Variants in BMPR1B observed in about 807,000 individuals in gnomAD.
The protein encoded by BMPR1B is bone morphogenetic protein receptor type-1B.
Under a neutral mutation model 59.1 loss-of-function variants are expected in BMPR1B, and 12 were observed. The ratio of observed to expected loss-of-function variants is 0.20; its 90% CI spans 0.13 to 0.33. The LOEUF is 0.33. Among genes scored for constraint, BMPR1B ranks in the 10% least tolerant of loss-of-function variants. BMPR1B has a pLI of 1.00. For synonymous variants in BMPR1B, 237 were observed against 207.3 expected (o/e 1.14, Z -1.23); for missense variants, 550 against 610.9 (o/e 0.90, Z 1.05).
chr4:94,812,277 G>A (rs772141178), intron 1 of BMPR1B, among the ~76,000 whole-genome samples: 3 of 152,138 alleles, frequency 2.0e-5, no homozygotes, highest in Admixed American at 6.6e-5. Flanking sequence ...GCTTTGTGAA[G>A]TTTTAAGAGA....
At chr4:94,935,315 C>T (rs1024852874) in intron 2 of BMPR1B, among the ~76,000 whole-genome samples, 1 of 151,882 alleles carries the variant, frequency 6.6e-6, no homozygotes, top group African/African-American at 2.4e-5. Context: ...CCAAATAAAC[C>T]CCTATTACGA....
At chr4:95,063,144 G>C (rs375508240) in intron 3 of BMPR1B, among the ~76,000 whole-genome samples, 1 of 152,012 alleles carries the variant, frequency 6.6e-6, no homozygotes, top group South Asian at 2.1e-4. Flanking sequence ...AATAAAAAAA[G>C]ATCTAGGGGT....
At chr4:95,123,497 C>G (rs748796952) in intron 6 of BMPR1B, among the ~76,000 whole-genome samples, 5 of 152,068 alleles carry the variant, frequency 3.3e-5, no homozygotes, top group Non-Finnish European at 7.4e-5. Flanking sequence ...CTACCTGTTT[C>G]TATTGTGGGT....
intron 1 of BMPR1B, among the ~76,000 whole-genome samples, chr4:94,810,799 A>G (rs1437063339): frequency 6.6e-6 from 1 of 152,174 alleles, no homozygotes; most frequent in African/African-American, 2.4e-5. Flanking sequence ...TTGAGTGGCT[A>G]CCTCAGTGTC....
In BMPR1B at chr4:95,000,212, G is replaced by A. The variant is rs190515707; in HGVS notation, c.-18+4078G>A. Among the ~76,000 whole-genome samples the A allele has an allele frequency of 5.4e-5, 8 of 147,992 alleles. No individual in the cohort carries two copies. The Admixed American group carries it at 5.5e-4, about 10-fold the overall frequency. On this transcript the variant is annotated intron_variant, in intron 3 of 12. Coordinates refer to ENST00000515059, the MANE Select transcript of BMPR1B (RefSeq NM_001203.3). ...ACCTTATAAACATCTTCCAGACATT[G>A]AATATGACTCTTCTGTTTGTTTAAC...
At chr4:94,795,557 G>T (rs953217920) in intron 1 of BMPR1B, among the ~76,000 whole-genome samples, 1 of 151,918 alleles carries the variant, frequency 6.6e-6, no homozygotes, top group African/African-American at 2.4e-5. Context: ...CTCTGCCTTC[G>T]GGTTCAAGCG....
chr4:94,906,976 T>A (rs1237752791), intron 2 of BMPR1B, among the ~76,000 whole-genome samples: 1 of 152,090 alleles, frequency 6.6e-6, no homozygotes, highest in African/African-American at 2.4e-5. Context: ...CTGTAGGGAT[T>A]ATTCTTCCTG....
At chr4:94,982,443 C>G (rs1721141855) in intron 2 of BMPR1B, among the ~76,000 whole-genome samples, 1 of 152,158 alleles carries the variant, frequency 6.6e-6, no homozygotes, top group South Asian at 2.1e-4. Flanking sequence ...CTTACTGTGG[C>G]CTAAATTAGT....
At chr4:95,080,509 T>C (rs979183755) in intron 3 of BMPR1B, among the ~76,000 whole-genome samples, 2 of 152,182 alleles carry the variant, frequency 1.3e-5, no homozygotes, top group African/African-American at 4.8e-5. Context: ...GTGCTGGGAT[T>C]ACAGGCGTGA....
chr4:95,059,253 C>T (rs1727159131), intron 3 of BMPR1B, among the ~76,000 whole-genome samples: 1 of 152,140 alleles, frequency 6.6e-6, no homozygotes, highest in Non-Finnish European at 1.5e-5. Flanking sequence ...ACTTAAGTTG[C>T]CTTTTTCTTC....
At chr4:94,879,206 G>T (rs1726862274) in intron 2 of BMPR1B, among the ~76,000 whole-genome samples, 1 of 152,070 alleles carries the variant, frequency 6.6e-6, no homozygotes, top group Non-Finnish European at 1.5e-5. Context: ...ATTTGAACTG[G>T]TCATATGATT....
At chr4:94,804,590 C>CTTTTTTTT (rs5860375) in intron 1 of BMPR1B, among the ~76,000 whole-genome samples, 1 of 121,568 alleles carries the variant, frequency 8.2e-6, no homozygotes, top group Non-Finnish European at 1.6e-5. Flanking sequence ...CTTTGTAATA[C>CTTTTTTTT]TTTTTTTTTT....
At chr4:95,050,021 A>G (rs1456462752) in intron 3 of BMPR1B, among the ~76,000 whole-genome samples, 1 of 152,074 alleles carries the variant, frequency 6.6e-6, no homozygotes, top group Non-Finnish European at 1.5e-5. Flanking sequence ...GAGCTGTCCC[A>G]CATTTCAGCT....
At chr4:94,846,046 A>C (rs1161544690) in intron 1 of BMPR1B, among the ~76,000 whole-genome samples, 1 of 152,218 alleles carries the variant, frequency 6.6e-6, no homozygotes, top group Non-Finnish European at 1.5e-5. Context: ...GAATCACATT[A>C]CCTGACTTCA....
chr4:95,054,646 A>G (rs1411079330), intron 3 of BMPR1B, among the ~76,000 whole-genome samples: 2 of 152,202 alleles, frequency 1.3e-5, no homozygotes, highest in Non-Finnish European at 2.9e-5. Flanking sequence ...GTCATAATGA[A>G]TATAGTGCAA....
chr4:94,804,868 G>A (rs1463701797), intron 1 of BMPR1B, among the ~76,000 whole-genome samples: 1 of 152,148 alleles, frequency 6.6e-6, no homozygotes, highest in Non-Finnish European at 1.5e-5. Context: ...TCGCTTGGCT[G>A]CAGGCAAACT....
chr4:94,851,942 G>A (rs76921199), intron 1 of BMPR1B, among the ~76,000 whole-genome samples: 17,120 of 152,182 alleles, frequency 0.11, 1,025 homozygotes, highest in Non-Finnish European at 0.13. Flanking sequence ...CTGGCATAAT[G>A]TAGGCTCATA....
intron 1 of BMPR1B, among the ~76,000 whole-genome samples, chr4:94,848,607 T>C (rs1725436691): frequency 8.8e-6 from 1 of 113,032 alleles, no homozygotes; most frequent in Admixed American, 8.0e-5. Context: ...AGGACTTTAG[T>C]TTTTATTTTT....
At chr4:94,759,161 C>T (rs1434730187) in intron 1 of BMPR1B, among the ~76,000 whole-genome samples, 1 of 152,210 alleles carries the variant, frequency 6.6e-6, no homozygotes, top group African/African-American at 2.4e-5. Flanking sequence ...GGAAACGCTG[C>T]AGTTCCCTTG....
Sources: allele counts gnomAD v4.1 joint callset (sites outside exome capture counted in the v4.1 genomes callset), GRCh38; gene constraint gnomAD v4.1.1; transcripts MANE v1.5; gene names NCBI Gene and HGNC (gene_info 2026-07-23, HGNC 2026-07-21).